DHTKD1: variants seen among roughly 807,000 people sequenced by gnomAD.
DHTKD1 encodes dehydrogenase E1 and transketolase domain containing 1.
DHTKD1 carries 78 observed loss-of-function variants against 101.8 expected under a neutral mutation model. The ratio of observed to expected loss-of-function variants is 0.77; its 90% CI spans 0.64 to 0.93. DHTKD1 has a LOEUF of 0.93. Ranked by LOEUF, DHTKD1 falls within the 40% of genes least tolerant of loss-of-function variation. DHTKD1 has a pLI of 0.00. For synonymous variants in DHTKD1, 462 were observed against 450.3 expected (o/e 1.03, Z -0.33); for missense variants, 1,223 against 1,161.7 (o/e 1.05, Z -0.77).
At chr10:12,070,116 T>A (rs1433125202) in intron 1 of DHTKD1, among the ~76,000 whole-genome samples, 2 of 152,184 alleles carry the variant, frequency 1.3e-5, no homozygotes, top group Non-Finnish European at 2.9e-5. Flanking sequence ...TGGTGGGGTT[T>A]CTTTCTTTTC....
At chr10:12,086,621 C>A (rs1832906952) in intron 3 of DHTKD1, among the ~76,000 whole-genome samples, 1 of 152,036 alleles carries the variant, frequency 6.6e-6, no homozygotes, top group African/African-American at 2.4e-5. Context: ...CGTGACTGGC[C>A]TAAAATTTCT....
intron 15 of DHTKD1, among the ~76,000 whole-genome samples, chr10:12,119,615 C>CAAAAA (rs71382684): frequency 1.6e-4 from 14 of 89,238 alleles, no homozygotes; most frequent in African/African-American, 3.9e-4. Flanking sequence ...GACTCCGTCT[C>CAAAAA]AAAAAAAAAA....
At position 12,087,601 on chromosome 10, in the gene DHTKD1, A is replaced by G; in HGVS notation, c.589A>G (p.Ser197Gly). 1 of 1,613,886 alleles carries G rather than the reference A, an allele frequency of 6.2e-7. No individual in the cohort carries two copies. Among genetic ancestry groups the G allele is most frequent in the Non-Finnish European group, 8.5e-7 (1 of 1,179,960 alleles). Reference sequence around the variant, plus strand: ...GCGATATGGAGGCGAAGGGGCTGAAAGCATGATGGGCTTTTTCCACGAGCT... The same window carrying G: ...GCGATATGGAGGCGAAGGGGCTGAAGGCATGATGGGCTTTTTCCACGAGCT... The part of the protein sequence containing the change: ...VKRYGGEGAE[S>G]MMGFFHELLK... Residue 197 changes from serine to glycine, a missense_variant, in exon 4 of 17, where the codon AGC becomes GGC. Transcript: ENST00000263035. This position sits in a 1 kb window ranked among gnomAD's most constrained non-coding sequence, Gnocchi z 5.2.
At chr10:12,116,859 C>A (rs1430949382) in intron 13 of DHTKD1, among the ~76,000 whole-genome samples, 2 of 151,972 alleles carry the variant, frequency 1.3e-5, no homozygotes, top group Non-Finnish European at 2.9e-5. Flanking sequence ...GCTACCACAC[C>A]TGGCCAATTT....
At chr10:12,071,599 G>A (rs956383187) in intron 1 of DHTKD1, among the ~76,000 whole-genome samples, 7 of 151,396 alleles carry the variant, frequency 4.6e-5, no homozygotes, top group South Asian at 2.1e-4. Context: ...GTGAAACCTC[G>A]TCTCTAGCAA....
At chr10:12,092,068 C>T (rs1332499800) in intron 6 of DHTKD1, among the ~76,000 whole-genome samples, 1 of 151,628 alleles carries the variant, frequency 6.6e-6, no homozygotes, top group Non-Finnish European at 1.5e-5. Context: ...ACTGCAACCT[C>T]CGCCTTTCAG....
At chr10:12,096,751 T>C (rs1833076873) in intron 7 of DHTKD1, among the ~76,000 whole-genome samples, 1 of 152,236 alleles carries the variant, frequency 6.6e-6, no homozygotes, top group South Asian at 2.1e-4. Flanking sequence ...AAGTATGACA[T>C]GAATGTAGAG....
intron 3 of DHTKD1, 28 bp downstream of exon 3, chr10:12,084,779 G>A (rs1422742836): frequency 1.3e-5 from 21 of 1,603,804 alleles, no homozygotes; most frequent in Non-Finnish European, 1.7e-5. Context: ...GGCCGGGCAC[G>A]GTGGCTCATG....
At chr10:12,118,434 G>C (rs1036080795) in intron 14 of DHTKD1, among the ~76,000 whole-genome samples, 2 of 149,126 alleles carry the variant, frequency 1.3e-5, no homozygotes, top group Non-Finnish European at 1.5e-5. Context: ...CCAGGCTGGA[G>C]TGCAGTGGCA....
chr10:12,115,773 CT>C, intron 13 of DHTKD1, among the ~76,000 whole-genome samples: 1 of 151,606 alleles, frequency 6.6e-6, no homozygotes. Flanking sequence ...TCTTTTTTTT[CT>C]TTTTTTTGTT....
intron 3 of DHTKD1, among the ~76,000 whole-genome samples, chr10:12,085,399 T>C (rs906317049): frequency 6.6e-6 from 1 of 152,192 alleles, no homozygotes; most frequent in African/African-American, 2.4e-5. Flanking sequence ...CAACAGATCA[T>C]ATAACACACA....
intron 1 of DHTKD1, among the ~76,000 whole-genome samples, chr10:12,078,384 C>T (rs1179836300): frequency 5.9e-5 from 9 of 151,788 alleles, no homozygotes; most frequent in Admixed American, 6.6e-5. Context: ...ATGATCGTGC[C>T]GCTGCACTCC....
intron 1 of DHTKD1, among the ~76,000 whole-genome samples, chr10:12,071,627 G>A (rs2131344285): frequency 6.6e-6 from 1 of 151,668 alleles, no homozygotes; most frequent in East Asian, 1.9e-4. Flanking sequence ...AAAATTAGCT[G>A]GGTGTGGTGC....
chr10:12,120,674 G>C, intron 16 of DHTKD1, 113 bp from the exon 17 acceptor site: 1 of 881,938 alleles, frequency 1.1e-6, no homozygotes, highest in East Asian at 2.6e-5. Context: ...ATTTGAAAGA[G>C]GTGATTTATG....
intron 6 of DHTKD1, among the ~76,000 whole-genome samples, chr10:12,093,656 T>C (rs1400471871): frequency 6.6e-6 from 1 of 152,228 alleles, no homozygotes; most frequent in East Asian, 1.9e-4. Flanking sequence ...GAAGATTCTT[T>C]GGAGCAAATT....
chr10:12,100,285 C>CTTTTT (rs571364518), intron 9 of DHTKD1, 23 bp downstream of exon 9: 14 of 229,492 alleles, frequency 6.1e-5, no homozygotes, highest in East Asian at 2.5e-4. Flanking sequence ...TTTTTTTTTT[C>CTTTTT]TGTTTTTTTT....
rs1833095490 is a variant in DHTKD1 at position 12,097,822 on chromosome 10, G to T, written c.1497G>T (p.Arg499Ser). The stretch of plus-strand genomic sequence containing the variant: ...ACTTAAATAACATGGCCCACTACAG[G>T]CCCCCTGCCCTGAACCTGCAGGCCC... ...NDHLNNMAHY[R>S]PPALNLQAHW... Residue 499 changes from arginine to serine, a missense_variant, in exon 8 of 17, where the codon AGG (arginine) becomes AGT (serine). By Grantham distance (110) the Arg-to-Ser change is moderately radical. Transcript: ENST00000263035. 3.1e-6 allele frequency: 5 copies of T among 1,614,006 alleles called. No homozygotes were observed. Among genetic ancestry groups the T allele is most frequent in the Middle Eastern group, 1.6e-4 (1 of 6,084 alleles).
chr10:12,085,837 A>G (rs1018746258), intron 3 of DHTKD1, among the ~76,000 whole-genome samples: 2 of 151,908 alleles, frequency 1.3e-5, no homozygotes, highest in Non-Finnish European at 2.9e-5. Flanking sequence ...CAGCGAGCCG[A>G]GATCACACCA....
At position 12,118,925 on chromosome 10, in the gene DHTKD1, G is replaced by T; in HGVS notation, c.2572+7G>T. On this transcript the variant is annotated splice_region_variant and intron_variant, in intron 15 of 16. Coordinates refer to ENST00000263035, the MANE Select transcript of DHTKD1 (RefSeq NM_018706.7). ...AAATACAAACATGTTAAAGGTAAGAGGTTGTTCTCATTTGGGTTTTGATGT... is the reference window on the plus strand; with the variant it reads ...AAATACAAACATGTTAAAGGTAAGATGTTGTTCTCATTTGGGTTTTGATGT... 1 of 1,519,638 alleles carries T rather than the reference G, an allele frequency of 6.6e-7. No homozygotes were observed. Among genetic ancestry groups the T allele is most frequent in the Non-Finnish European group, 8.8e-7 (1 of 1,130,738 alleles). 94.1% of individuals were successfully genotyped at this position (1,519,638 alleles called of 1,614,324 possible).
Sources: gnomAD v4.1 joint callset for allele counts (sites outside exome capture counted in the v4.1 genomes callset) on GRCh38, gnomAD v4.1.1 for gene constraint, Gnocchi (gnomAD v3.1) non-coding constraint, MANE v1.5 for transcripts, NCBI Gene and HGNC (gene_info 2026-07-23, HGNC 2026-07-21) for gene names.